ATP13A4: variants seen among roughly 807,000 people sequenced by gnomAD.
The protein encoded by ATP13A4 is probable cation-transporting ATPase 13A4.
ATP13A4 carries 114 observed loss-of-function variants against 142.5 expected under a neutral mutation model. That is an observed-to-expected ratio of 0.80 (90% CI 0.69 to 0.93). The LOEUF is 0.93. Among genes scored for constraint, ATP13A4 ranks in the 40% least tolerant of loss-of-function variants. The pLI is 0.00. For missense variants in ATP13A4, 1,392 were observed against 1,454.0 expected, an observed-to-expected ratio of 0.96 and a Z score of 0.69; for synonymous variants, 488 against 514.8, an observed-to-expected ratio of 0.95 and a Z score of 0.70.
Position 193,410,441 on chromosome 3 carries a change from A to G in ATP13A4, c.3297+541T>C, listed in dbSNP as rs182512037. On this transcript the variant is annotated intron_variant, in intron 28 of 29. Transcript: ENST00000342695. ...AAAATAAAAATATTTGGTTAGATGC[A>G]GTGGCTTAAGCCTGTAAGCCTAGCG... is the stretch of plus-strand genomic sequence containing the variant. Among the ~76,000 whole-genome samples the G allele has an allele frequency of 1.5e-3, 224 of 152,344 alleles. 2 individuals carry two copies. Among genetic ancestry groups the G allele is most frequent in the African/African-American group, 5.2e-3 (218 of 41,584 alleles).
chr3:193,539,426 T>G (rs1358490059), intron 1 of ATP13A4, among the ~76,000 whole-genome samples: 4 of 152,172 alleles, frequency 2.6e-5, no homozygotes, highest in African/African-American at 9.7e-5. Context: ...AAGATGCTTA[T>G]CTAACTTTCC....
intron 1 of ATP13A4, among the ~76,000 whole-genome samples, chr3:193,549,130 C>T (rs1560276230): frequency 6.6e-6 from 1 of 152,062 alleles, no homozygotes. Flanking sequence ...ACTGCTAATC[C>T]GAGTATACAT....
intron 12 of ATP13A4, among the ~76,000 whole-genome samples, chr3:193,463,518 GA>G (rs1362765963): frequency 6.6e-6 from 1 of 151,060 alleles, no homozygotes; most frequent in Non-Finnish European, 1.5e-5. Flanking sequence ...CCAGTTGTGT[GA>G]CCAGAGCAAA....
chr3:193,493,116 G>A lies in ATP13A4; in HGVS notation c.426C>T (p.Tyr142=), dbSNP rs377286528. 2.5e-6 allele frequency: 4 copies of A among 1,613,164 alleles called. No homozygotes were observed. The highest frequency in any genetic ancestry group is 3.4e-6 in the Non-Finnish European group (4 of 1,179,650). Residue 142 remains tyrosine (Y), a synonymous_variant, in exon 4 of 30, where the codon TAC becomes TAT. Transcript: ENST00000342695. The stretch of plus-strand genomic sequence containing the variant: ...CAATTTTCTGGAACTGTCCTTCTAA[G>A]TAGTTCCAAACATATCTTATTTTCT... ...KVQKIRYVWN[Y]LEGQFQKIGS...
intron 8 of ATP13A4, among the ~76,000 whole-genome samples, chr3:193,476,195 C>T (rs1236146254): frequency 6.6e-6 from 1 of 152,038 alleles, no homozygotes; most frequent in African/African-American, 2.4e-5. Flanking sequence ...ATGACTAACA[C>T]CATTAAAATG....
At chr3:193,440,669 T>C (rs1006480887) in intron 20 of ATP13A4, 32 bp from the exon 21 acceptor site, 2 of 1,605,552 alleles carry the variant, frequency 1.2e-6, no homozygotes, top group African/African-American at 2.7e-5. Context: ...GATTTTTTTA[T>C]CAAGTCATCT....
intron 2 of ATP13A4, among the ~76,000 whole-genome samples, chr3:193,571,031 A>T (rs898016464): frequency 6.6e-6 from 1 of 152,184 alleles, no homozygotes; most frequent in East Asian, 1.9e-4. Flanking sequence ...TAATCCCAGC[A>T]CTTTGGGAAG....
chr3:193,559,361 T>C (rs1364499358), upstream of ATP13A4, among the ~76,000 whole-genome samples: 2 of 152,200 alleles, frequency 1.3e-5, no homozygotes, highest in Non-Finnish European at 2.9e-5. Flanking sequence ...ATAAGCTGAC[T>C]CAGTCTTCCT....
intron 13 of ATP13A4, among the ~76,000 whole-genome samples, chr3:193,459,734 C>T (rs769017583): frequency 2.6e-5 from 4 of 152,126 alleles, no homozygotes; most frequent in South Asian, 2.1e-4. Flanking sequence ...CCACTGTGCC[C>T]GGCTAAAAAC....
intron 1 of ATP13A4, among the ~76,000 whole-genome samples, chr3:193,549,521 C>T (rs1299471575): frequency 6.6e-6 from 1 of 152,024 alleles, no homozygotes; most frequent in Non-Finnish European, 1.5e-5. Context: ...GATAGAATCA[C>T]TCCATTTTTG....
At chr3:193,511,897 A>G (rs1342685523) in intron 2 of ATP13A4, among the ~76,000 whole-genome samples, 1 of 152,200 alleles carries the variant, frequency 6.6e-6, no homozygotes, top group African/African-American at 2.4e-5. Flanking sequence ...TCATCTCCTC[A>G]TTTAGTGACA....
At chr3:193,512,740 A>G (rs1721208393) in intron 2 of ATP13A4, among the ~76,000 whole-genome samples, 1 of 152,144 alleles carries the variant, frequency 6.6e-6, no homozygotes, top group African/African-American at 2.4e-5. Flanking sequence ...AGTGCAATGG[A>G]AAAGCCCTTG....
At chr3:193,435,298 T>C (rs78961507) in intron 24 of ATP13A4, among the ~76,000 whole-genome samples, 1 of 151,992 alleles carries the variant, frequency 6.6e-6, no homozygotes, top group African/African-American at 2.4e-5. Context: ...AACACCCCAA[T>C]GCAGAGAACC....
chr3:193,518,285 G>A (rs920195097), intron 1 of ATP13A4, among the ~76,000 whole-genome samples: 17 of 152,180 alleles, frequency 1.1e-4, no homozygotes, highest in African/African-American at 3.6e-4. Flanking sequence ...TCAAATGTAT[G>A]AGCTCCAGCA....
At chr3:193,592,642 A>G (rs1577094401) in intron 1 of ATP13A4, among the ~76,000 whole-genome samples, 4 of 152,296 alleles carry the variant, frequency 2.6e-5, no homozygotes, top group African/African-American at 9.6e-5. Context: ...TTTATAAACC[A>G]CACAAGCTTA....
chr3:193,511,758 G>A (rs760142025), intron 2 of ATP13A4, among the ~76,000 whole-genome samples: 2 of 151,788 alleles, frequency 1.3e-5, no homozygotes, highest in African/African-American at 4.8e-5. Context: ...AAATCAAAAC[G>A]TTTGACTCCT....
Position 193,398,976 on chromosome 3 carries a change from T to C in ATP13A4, c.*3676A>G, listed in dbSNP as rs966205026. ...CCGCAGAGAGAGAGACTGATTTTTATAACAACTGAATTTATTATAGCATAA... is the reference window on the plus strand; with the variant it reads ...CCGCAGAGAGAGAGACTGATTTTTACAACAACTGAATTTATTATAGCATAA... On this transcript the variant is annotated 3_prime_UTR_variant, in exon 30 of 30. Transcript: ENST00000342695. Among the ~76,000 whole-genome samples, 1 of 152,254 alleles carries C rather than the reference T, an allele frequency of 6.6e-6. No homozygotes were observed. Among genetic ancestry groups the C allele is most frequent in the Non-Finnish European group, 1.5e-5 (1 of 68,046 alleles).
intron 1 of ATP13A4, among the ~76,000 whole-genome samples, chr3:193,545,102 C>A (rs955307328): frequency 7.2e-5 from 11 of 152,132 alleles, no homozygotes; most frequent in African/African-American, 2.7e-4. Flanking sequence ...ATAAGATAGT[C>A]TCAGATCTCT....
At position 193,572,750 on chromosome 3, in the gene ATP13A4, G is replaced by A. The variant is rs146243929; in HGVS notation, n.291+8957C>T. Among the ~76,000 whole-genome samples, 601 of 152,108 alleles carry A rather than the reference G, an allele frequency of 4.0e-3. 4 individuals carry two copies. Among genetic ancestry groups the A allele is most frequent in the African/African-American group, 0.014 (569 of 41,516 alleles). On this transcript the variant is annotated intron_variant and non_coding_transcript_variant, in intron 2 of 3. Coordinates refer to the ATP13A4 transcript ENST00000489140. ...GCACCGCTGAGTGGTCCCTGAAGACGTTAGTACATGCACGTGATGGAACCA... is the reference window on the plus strand; with the variant it reads ...GCACCGCTGAGTGGTCCCTGAAGACATTAGTACATGCACGTGATGGAACCA...
Sources: allele counts gnomAD v4.1 joint callset (sites outside exome capture counted in the v4.1 genomes callset), GRCh38; gene constraint gnomAD v4.1.1; transcripts MANE v1.5; gene names NCBI Gene and HGNC (gene_info 2026-07-23, HGNC 2026-07-21).